The following MTCL1 variants were observed in gnomAD, a reference collection of about 807,000 sequenced individuals.
MTCL1 encodes the protein microtubule cross-linking factor 1.
A neutral mutation model predicts 141.4 loss-of-function variants in MTCL1; 79 were observed. The observed-to-expected ratio is 0.56, with a 90% CI of 0.47 to 0.67. The LOEUF (loss-of-function observed/expected upper bound fraction) is 0.67, where lower values mean the gene tolerates loss of function less well. Ranked by LOEUF, MTCL1 falls within the 30% of genes least tolerant of loss-of-function variation. The pLI is 0.00. For synonymous variants in MTCL1, 914 were observed against 875.8 expected, an observed-to-expected ratio of 1.04 and a Z score of -0.77; for missense variants, 2,177 against 2,113.9, an observed-to-expected ratio of 1.03 and a Z score of -0.59.
At chr18:8,831,385 A>T in intron 16 of MTCL1, 1 of 1,385,678 alleles carries the variant, frequency 7.2e-7, no homozygotes. Context: ...GCTGTGTTTA[A>T]TCATAATTGG....
chr18:8,774,197 T>G (rs1034621432), intron 4 of MTCL1, among the ~76,000 whole-genome samples: 17 of 152,220 alleles, frequency 1.1e-4, no homozygotes, highest in Non-Finnish European at 2.2e-4. Context: ...GATGAGTTTT[T>G]GAATTACTTT....
rs370938607 is a variant in MTCL1, at chr18:8,790,454, G to A, written c.1888-2544G>A. Among the ~76,000 whole-genome samples the A allele has an allele frequency of 2.0e-5, 3 of 152,168 alleles. No homozygotes were observed. The East Asian group carries it at 5.8e-4, about 29-fold the overall frequency. On this transcript the variant is annotated intron_variant, in intron 7 of 16. Coordinates refer to ENST00000359865, the Ensembl canonical transcript of MTCL1. Reference sequence around the variant, plus strand: ...TGAGTTTATAGAGTAATGTGTAGCTGGAAAGTAAAGCTGGCAGGAGAGCAG... The same window carrying A: ...TGAGTTTATAGAGTAATGTGTAGCTAGAAAGTAAAGCTGGCAGGAGAGCAG...
chr18:8,818,318 A>G (rs1276431584), intron 12 of MTCL1, among the ~76,000 whole-genome samples: 1 of 152,084 alleles, frequency 6.6e-6, no homozygotes, highest in Non-Finnish European at 1.5e-5. Flanking sequence ...AAGTCAGGGA[A>G]AAAAGTATGA....
rs2076458828 is a variant in MTCL1, at chr18:8,810,829, C to G, written c.2605-2150C>G. Among the ~76,000 whole-genome samples, 1 of 152,170 alleles carries G rather than the reference C, an allele frequency of 6.6e-6. No individual in the cohort carries two copies. Among genetic ancestry groups the G allele is most frequent in the African/African-American group, 2.4e-5 (1 of 41,432 alleles). On this transcript the variant is annotated intron_variant, in intron 11 of 16. Transcript: ENST00000359865. This position sits in a 1 kb window ranked among gnomAD's most constrained non-coding sequence, Gnocchi z 5.0. The stretch of plus-strand genomic sequence containing the variant: ...ATTGATCAAGAAGCGTCACCACTGA[C>G]CTGTGCCCGTGGCTGTCATCTGCTT...
intron 11 of MTCL1, among the ~76,000 whole-genome samples, chr18:8,807,702 CA>C (rs2076347058): frequency 6.6e-6 from 1 of 152,152 alleles, no homozygotes; most frequent in African/African-American, 2.4e-5. Context: ...TAAGATCAGA[CA>C]TAACAAGAAA....
In MTCL1 at chr18:8,785,665, C is replaced by T; in HGVS notation, c.1732-271C>T. Reference sequence around the variant, plus strand: ...TGCCCCGTAACCAGTGTTTTGCACCCCCACTTTCTCTTTTTGCTTTTCAGA... The same window carrying T: ...TGCCCCGTAACCAGTGTTTTGCACCTCCACTTTCTCTTTTTGCTTTTCAGA... On this transcript the variant is annotated intron_variant, in intron 6 of 16. Coordinates refer to ENST00000359865, the Ensembl canonical transcript of MTCL1. 1.1e-5 allele frequency: 5 copies of T among 462,816 alleles called. No homozygotes were observed. In the South Asian group the frequency reaches 1.1e-4, roughly 11 times the overall value. 28.7% of individuals were successfully genotyped at this position (462,816 alleles called of 1,614,324 possible).
chr18:8,815,987 A>T (rs1171872430), intron 12 of MTCL1, among the ~76,000 whole-genome samples: 1 of 152,230 alleles, frequency 6.6e-6, no homozygotes, highest in Admixed American at 6.5e-5. Context: ...TTTCAAAAAT[A>T]AATCTGGCCT....
chr18:8,739,361 G>A (rs2096289886), intron 4 of MTCL1, among the ~76,000 whole-genome samples: 1 of 152,208 alleles, frequency 6.6e-6, no homozygotes, highest in Non-Finnish European at 1.5e-5. Context: ...AAGCACGTTT[G>A]GGGTGGGCGT....
intron 13 of MTCL1, 124 bp downstream of exon 12, chr18:8,819,383 C>A: frequency 1.1e-6 from 1 of 921,230 alleles, no homozygotes; most frequent in Non-Finnish European, 1.6e-6. Flanking sequence ...CAGCAACCTC[C>A]GAATTGAGTA....
At chr18:8,757,331 G>A (rs1434439869) in intron 4 of MTCL1, among the ~76,000 whole-genome samples, 4 of 152,116 alleles carry the variant, frequency 2.6e-5, no homozygotes, top group Non-Finnish European at 4.4e-5. Flanking sequence ...TGGAAACATA[G>A]GAAACCTCTT....
intron 4 of MTCL1, among the ~76,000 whole-genome samples, chr18:8,744,253 C>T (rs1270417519): frequency 1.3e-5 from 2 of 152,246 alleles, no homozygotes; most frequent in African/African-American, 4.8e-5. Flanking sequence ...CTCCGGTTTC[C>T]CGGCTGGCAT....
intron 4 of MTCL1, among the ~76,000 whole-genome samples, chr18:8,774,965 C>T (rs1466365811): frequency 6.6e-6 from 1 of 152,110 alleles, no homozygotes; most frequent in African/African-American, 2.4e-5. Flanking sequence ...GGAAGGGACA[C>T]ATGGGGTAGG....
chr18:8,815,521 TGAC>T (rs1462363565), intron 12 of MTCL1, among the ~76,000 whole-genome samples: 2 of 151,428 alleles, frequency 1.3e-5, no homozygotes, highest in Non-Finnish European at 2.9e-5. Context: ...TAATGCTAAA[TGAC>T]GAGTTAATGG....
chr18:8,707,000 G>A (rs975230531), intron 1 of MTCL1: 1 of 403,762 alleles, frequency 2.5e-6, no homozygotes, highest in African/African-American at 2.1e-5. Context: ...TGTTGGGGCA[G>A]AGGAGGCTGT....
intron 1 of MTCL1, 30 bp downstream of exon 1, chr18:8,706,743 G>C (rs1164867776): frequency 6.5e-7 from 1 of 1,542,064 alleles, no homozygotes; most frequent in African/African-American, 1.4e-5. Flanking sequence ...CAGGTGTCCC[G>C]GGGCGCCCCC....
chr18:8,706,811 C>G lies in MTCL1; in HGVS notation c.1053+98C>G, dbSNP rs1408267636. ...CCCTCCTTCCCGGGCCTGTCCAGCG[C>G]CTTCTCCCTCCTGCTCTCCACGGTC... On this transcript the variant is annotated intron_variant, in intron 1 of 13. Coordinates refer to the MTCL1 transcript ENST00000306329. 2.0e-6 allele frequency: 3 copies of G among 1,489,970 alleles called. No individual in the cohort carries two copies. In the African/African-American group the frequency reaches 4.2e-5, roughly 21 times the overall value. The allele number at this position is 1,489,970 out of a possible 1,614,324, so 92.3% of individuals were successfully genotyped here.
chr18:8,776,296 C>G (rs1032856153), intron 4 of MTCL1, among the ~76,000 whole-genome samples: 1 of 152,232 alleles, frequency 6.6e-6, no homozygotes, highest in East Asian at 1.9e-4. Flanking sequence ...TCAGGATTAA[C>G]TTAATCTTTG....
At chr18:8,782,930 T>C (rs2096537653) in intron 5 of MTCL1, among the ~76,000 whole-genome samples, 1 of 152,214 alleles carries the variant, frequency 6.6e-6, no homozygotes, top group Non-Finnish European at 1.5e-5. Flanking sequence ...GAGAAGCGAA[T>C]TGCCCTGTCT....
intron 5 of MTCL1, chr18:8,782,458 G>T (rs373960463): frequency 2.6e-5 from 4 of 152,172 alleles, no homozygotes; most frequent in African/African-American, 4.8e-5. Context: ...AGTTCATCTG[G>T]CTTCAAAACA....
Sources: allele counts gnomAD v4.1 joint callset (sites outside exome capture counted in the v4.1 genomes callset), GRCh38; gene constraint gnomAD v4.1.1; non-coding constraint Gnocchi (gnomAD v3.1); transcripts MANE v1.5; gene names NCBI Gene and HGNC (gene_info 2026-07-23, HGNC 2026-07-21).